ABR: variants seen among roughly 807,000 people sequenced by gnomAD.
ABR encodes ABR activator of RhoGEF and GTPase, also known as active breakpoint cluster region-related protein.
In ABR, 35 loss-of-function variants were observed where a neutral mutation model predicts 107.2. That is an observed-to-expected ratio of 0.33 (90% CI 0.25 to 0.43). ABR has a LOEUF of 0.43. Ranked by LOEUF, ABR falls within the 20% of genes least tolerant of loss-of-function variation. The pLI is 1.00. For missense variants in ABR, 815 were observed against 1,115.2 expected (o/e 0.73, Z 3.83); for synonymous variants, 498 against 462.0 (o/e 1.08, Z -1.00).
At chr17:1,188,465 G>C (rs748086267), upstream of ABR, among the ~76,000 whole-genome samples, 2 of 151,594 alleles carry the variant, frequency 1.3e-5, no homozygotes, top group Non-Finnish European at 2.9e-5. Context: ...CAGGAGAATC[G>C]CTTGAACCTG....
At chr17:1,153,999 C>A (rs1315929738) in intron 1 of ABR, 2 of 166,020 alleles carry the variant, frequency 1.2e-5, no homozygotes, top group African/African-American at 2.4e-5. Flanking sequence ...AGCTCCAACT[C>A]AGCTCACATG....
At chr17:1,171,074 T>A (rs1391438046) in intron 1 of ABR, among the ~76,000 whole-genome samples, 3 of 152,044 alleles carry the variant, frequency 2.0e-5, no homozygotes, top group Non-Finnish European at 4.4e-5. Flanking sequence ...AAACTTTGCC[T>A]CCAAGGGAGA....
At chr17:1,160,776 T>A (rs574822550) in intron 1 of ABR, among the ~76,000 whole-genome samples, 2 of 152,166 alleles carry the variant, frequency 1.3e-5, no homozygotes, top group East Asian at 3.9e-4. Context: ...GTTGAAGAAG[T>A]GGGGGAGGAC....
intron 16 of ABR, among the ~76,000 whole-genome samples, chr17:1,018,079 G>T (rs941570404): frequency 1.3e-5 from 2 of 150,226 alleles, no homozygotes; most frequent in South Asian, 2.1e-4. Flanking sequence ...GTCTTGCTCT[G>T]TCGCCCAGGC....
At chr17:1,128,701 C>T (rs2039701044) in intron 1 of ABR, among the ~76,000 whole-genome samples, 1 of 152,140 alleles carries the variant, frequency 6.6e-6, no homozygotes, top group Non-Finnish European at 1.5e-5. Flanking sequence ...AGGATAGAAG[C>T]CACCACTGAA....
intron 16 of ABR, among the ~76,000 whole-genome samples, chr17:1,049,418 G>T (rs543776873): frequency 6.6e-6 from 1 of 151,932 alleles, no homozygotes; most frequent in African/African-American, 2.4e-5. Flanking sequence ...CACCCACCTC[G>T]GCCTCCCAAG....
At chr17:1,185,601 T>C (rs1469273686) in intron 1 of ABR, among the ~76,000 whole-genome samples, 11 of 137,760 alleles carry the variant, frequency 8.0e-5, no homozygotes, top group Non-Finnish European at 1.5e-5. Flanking sequence ...GCCGAGATCG[T>C]GCCACTGCAC....
intron 16 of ABR, among the ~76,000 whole-genome samples, chr17:1,021,137 G>C (rs935897926): frequency 2.0e-5 from 3 of 152,192 alleles, no homozygotes; most frequent in African/African-American, 7.2e-5. Flanking sequence ...GTGGGACTTA[G>C]AACTGGCCAC....
intron 16 of ABR, among the ~76,000 whole-genome samples, chr17:1,016,826 G>A (rs986282234): frequency 6.6e-5 from 10 of 152,036 alleles, no homozygotes; most frequent in South Asian, 2.1e-4. Flanking sequence ...TGCCCACGTC[G>A]CCCTCAGAAC....
Position 1,070,979 on chromosome 17 carries a change from G to A in ABR, c.895-889C>T, listed in dbSNP as rs1201531346. ...GGAGTTTGAGACCAGCCTGGCCAAC[G>A]TGGCGAAACCCCGTCTCTACTAAAA... is the stretch of plus-strand genomic sequence containing the variant. On this transcript the variant is annotated intron_variant, in intron 8 of 22. Transcript: ENST00000302538. The surrounding 1 kb of genome is among the most constrained non-coding windows in gnomAD (Gnocchi z 4.2). 6.6e-6 allele frequency among the ~76,000 whole-genome samples: 1 copy of A among 152,030 alleles called. No individual in the cohort carries two copies. Among genetic ancestry groups the A allele is most frequent in the Admixed American group, 6.5e-5 (1 of 15,268 alleles).
chr17:1,219,077 CTG>C (rs1225008115), intron 1 of ABR, among the ~76,000 whole-genome samples: 1 of 152,084 alleles, frequency 6.6e-6, no homozygotes, highest in Non-Finnish European at 1.5e-5. Flanking sequence ...GAGTCTCACT[CTG>C]TTGTCCAGGC....
intron 1 of ABR, among the ~76,000 whole-genome samples, chr17:1,144,387 T>A (rs2040440439): frequency 6.6e-6 from 1 of 151,454 alleles, no homozygotes; most frequent in South Asian, 2.1e-4. Flanking sequence ...GGCAACGGGA[T>A]TCAACGAGGT....
chr17:1,050,454 C>A lies in ABR; in HGVS notation c.1659+83G>T. 1 of 1,328,400 alleles carries A rather than the reference C, an allele frequency of 7.5e-7. No individual in the cohort carries two copies. The highest frequency in any genetic ancestry group is 1.2e-5 in the South Asian group (1 of 85,194). 82.3% of individuals were successfully genotyped at this position (1,328,400 alleles called of 1,614,324 possible). A position where few individuals can be genotyped will look rare whatever the true frequency, so the allele number is the denominator to read the frequency against. The stretch of plus-strand genomic sequence containing the variant: ...GGGGTGCAGACATAGCTGGTCCAAC[C>A]AATGGGCTGGCCGTCCCCAGCAGAC... On this transcript the variant is annotated intron_variant, in intron 15 of 22. Coordinates refer to ENST00000302538, the MANE Select transcript of ABR (RefSeq NM_021962.5). The surrounding 1 kb of genome is among the most constrained non-coding windows in gnomAD (Gnocchi z 4.6).
chr17:1,219,299 C>G (rs1307512796), intron 1 of ABR, among the ~76,000 whole-genome samples: 13 of 151,974 alleles, frequency 8.6e-5, no homozygotes, highest in Admixed American at 8.5e-4. Flanking sequence ...CTGCCTTGGC[C>G]TCCCAAAGTG....
chr17:1,222,074 C>CTTTTTTTTTTTTTTTTTTTTTT lies in ABR; in HGVS notation c.838+6718_838+6719insAAAAAAAAAAAAAAAAAAAAAA, dbSNP rs1488404002. On this transcript the variant is annotated intron_variant, in intron 1 of 22. Coordinates refer to the ABR transcript ENST00000574139. ...ATAACAGCACCATGGAGGATCCCAT[C>CTTTTTTTTTTTTTTTTTTTTTT]TTTTTTTCTGAGACGGAGTTTCACC... 3.5e-5 allele frequency among the ~76,000 whole-genome samples: 5 copies of CTTTTTTTTTTTTTTTTTTTTTT among 144,784 alleles called. 1 individual carries two copies. Among genetic ancestry groups the CTTTTTTTTTTTTTTTTTTTTTT allele is most frequent in the Non-Finnish European group, 4.5e-5 (3 of 66,402 alleles). 95.0% of individuals were successfully genotyped at this position (144,784 alleles called of 152,430 possible).
chr17:1,102,628 C>T (rs753437809), intron 2 of ABR, among the ~76,000 whole-genome samples: 1 of 152,236 alleles, frequency 6.6e-6, no homozygotes, highest in Non-Finnish European at 1.5e-5. Context: ...GGCCGTATGG[C>T]CGCAGGCTGG....
rs2035176168 is a variant in ABR, at chr17:1,070,773, G to A, written c.895-683C>T. On this transcript the variant is annotated intron_variant, in intron 8 of 22. Coordinates refer to ENST00000302538, the MANE Select transcript of ABR (RefSeq NM_021962.5). This position sits in a 1 kb window ranked among gnomAD's most constrained non-coding sequence, Gnocchi z 4.2. ...GTTTCCAACCCCCGCTCAGAGCCGG[G>A]GGGTCGTCCCCATCTGTGCCAGCCT... 1.3e-5 allele frequency among the ~76,000 whole-genome samples: 2 copies of A among 152,152 alleles called. No homozygotes were observed. The highest frequency in any genetic ancestry group is 4.8e-5 in the African/African-American group (2 of 41,442).
chr17:1,076,315 G>C (rs1022545166), intron 6 of ABR, among the ~76,000 whole-genome samples: 1 of 152,172 alleles, frequency 6.6e-6, no homozygotes, highest in Non-Finnish European at 1.5e-5. Context: ...GCCAGTCTTG[G>C]GGTATCCTCG....
At chr17:1,174,575 A>G (rs1286201095) in intron 1 of ABR, among the ~76,000 whole-genome samples, 1 of 152,254 alleles carries the variant, frequency 6.6e-6, no homozygotes, top group Non-Finnish European at 1.5e-5. Flanking sequence ...TATAAAGGGC[A>G]TGAAAATATC....
Sources: allele counts gnomAD v4.1 joint callset (sites outside exome capture counted in the v4.1 genomes callset), GRCh38; gene constraint gnomAD v4.1.1; non-coding constraint Gnocchi (gnomAD v3.1); transcripts MANE v1.5; gene names NCBI Gene and HGNC (gene_info 2026-07-23, HGNC 2026-07-21).